Variants in CDK6 observed in about 807,000 individuals in gnomAD.
The protein encoded by CDK6 is cyclin-dependent kinase 6.
A neutral mutation model predicts 37.1 loss-of-function variants in CDK6; 6 were observed. That is an observed-to-expected ratio of 0.16 (90% CI 0.09 to 0.32). CDK6 has a LOEUF of 0.32. CDK6 is among the 10% of genes least tolerant of loss of function. The probability of loss-of-function intolerance (pLI) is 1.00; values close to 1 mark genes in which losing one functional copy is unlikely to be tolerated. For missense variants in CDK6, 224 were observed against 418.9 expected, an observed-to-expected ratio of 0.53 and a Z score of 4.06; for synonymous variants, 160 against 161.3, an observed-to-expected ratio of 0.99 and a Z score of 0.06.
In CDK6 at chr7:92,636,814, C is replaced by A. The variant is rs183447102; in HGVS notation, c.648-13728G>T. On this transcript the variant is annotated intron_variant, in intron 5 of 7. Coordinates refer to ENST00000424848, the MANE Select transcript of CDK6 (RefSeq NM_001145306.2). ...CCAAGTAGCTGGGATTACAGGCATG[C>A]GCCACCATGCTGACTAATTTTTGTA... Among the ~76,000 whole-genome samples the A allele has an allele frequency of 2.3e-3, 349 of 152,242 alleles. 2 individuals carry two copies. The highest frequency in any genetic ancestry group is 7.6e-3 in the African/African-American group (314 of 41,520).
intron 2 of CDK6, among the ~76,000 whole-genome samples, chr7:92,808,856 C>T (rs1800794446): frequency 6.6e-6 from 1 of 152,070 alleles, no homozygotes; most frequent in African/African-American, 2.4e-5. Context: ...TAACAAGACT[C>T]CATTTCAAAG....
At chr7:92,693,395 A>G (rs1343649243) in intron 4 of CDK6, among the ~76,000 whole-genome samples, 3 of 152,258 alleles carry the variant, frequency 2.0e-5, no homozygotes, top group South Asian at 2.1e-4. Context: ...CAAAAGCTCT[A>G]TTACCTAGTA....
At chr7:92,736,429 T>A (rs1372962232) in intron 3 of CDK6, among the ~76,000 whole-genome samples, 1 of 152,150 alleles carries the variant, frequency 6.6e-6, no homozygotes, top group Non-Finnish European at 1.5e-5. Flanking sequence ...ACATACTTCA[T>A]GTCAGTATGT....
At chr7:92,637,663 C>T (rs1156487350) in intron 5 of CDK6, among the ~76,000 whole-genome samples, 1 of 152,090 alleles carries the variant, frequency 6.6e-6, no homozygotes, top group Non-Finnish European at 1.5e-5. Flanking sequence ...CTCATTTACT[C>T]CTAATAACAC....
chr7:92,697,000 T>C (rs1029868228), intron 4 of CDK6, among the ~76,000 whole-genome samples: 1 of 152,234 alleles, frequency 6.6e-6, no homozygotes, highest in African/African-American at 2.4e-5. Context: ...AAGCCTGGCC[T>C]CTACGTTACC....
chr7:92,757,915 G>A (rs943812280), intron 3 of CDK6, among the ~76,000 whole-genome samples: 3 of 152,158 alleles, frequency 2.0e-5, no homozygotes, highest in African/African-American at 7.2e-5. Flanking sequence ...GTGATATTAA[G>A]CTTTTTTTAA....
chr7:92,697,848 A>C (rs1797755947), intron 4 of CDK6, among the ~76,000 whole-genome samples: 1 of 152,232 alleles, frequency 6.6e-6, no homozygotes, highest in African/African-American at 2.4e-5. Flanking sequence ...AGATTTACTA[A>C]CATTTATATA....
intron 4 of CDK6, among the ~76,000 whole-genome samples, chr7:92,703,452 G>A (rs1797900283): frequency 6.6e-6 from 1 of 152,016 alleles, no homozygotes; most frequent in Admixed American, 6.6e-5. Flanking sequence ...TACACATACT[G>A]CAAATCTCAA....
chr7:92,793,339 C>G (rs1281688750), intron 2 of CDK6, among the ~76,000 whole-genome samples: 1 of 152,094 alleles, frequency 6.6e-6, no homozygotes, highest in Non-Finnish European at 1.5e-5. Context: ...TCGCACTTCT[C>G]AATTTCAAAA....
intron 2 of CDK6, among the ~76,000 whole-genome samples, chr7:92,787,009 C>T (rs1249622649): frequency 6.6e-6 from 1 of 151,574 alleles, no homozygotes; most frequent in Non-Finnish European, 1.5e-5. Flanking sequence ...CATGGTGAAA[C>T]ACTCTCCACA....
chr7:92,703,479 T>C (rs1797901022), intron 4 of CDK6, among the ~76,000 whole-genome samples: 1 of 152,220 alleles, frequency 6.6e-6, no homozygotes. Context: ...TAAAAATACA[T>C]TTCAAATGAC....
chr7:92,807,060 T>C (rs1800743749), intron 2 of CDK6, among the ~76,000 whole-genome samples: 1 of 152,212 alleles, frequency 6.6e-6, no homozygotes, highest in African/African-American at 2.4e-5. Context: ...TATCACTCCC[T>C]TGAACTTTTT....
intron 3 of CDK6, among the ~76,000 whole-genome samples, chr7:92,771,391 A>C (rs545420131): frequency 6.6e-6 from 1 of 152,042 alleles, no homozygotes; most frequent in East Asian, 1.9e-4. Flanking sequence ...TAACAACATG[A>C]TACGTTTTAA....
intron 3 of CDK6, among the ~76,000 whole-genome samples, chr7:92,757,669 C>T (rs914467510): frequency 6.6e-6 from 1 of 152,112 alleles, no homozygotes; most frequent in African/African-American, 2.4e-5. Context: ...GGGTATACAC[C>T]CAGTAAAGGG....
In CDK6 at chr7:92,609,208, G is replaced by T. The variant is rs1274679582; in HGVS notation, c.*5932C>A. On this transcript the variant is annotated 3_prime_UTR_variant, in exon 8 of 8. Transcript: ENST00000424848. ...AAAGGAATAAGCTGCTTTCTGTGGT[G>T]CTGTGCTAAGGAAACTGAAAAATAC... 1.7e-5 allele frequency: 4 copies of T among 232,794 alleles called. No individual in the cohort carries two copies. The highest frequency in any genetic ancestry group is 5.6e-5 in the Admixed American group (1 of 17,768). 14.4% of individuals were successfully genotyped at this position (232,794 alleles called of 1,614,324 possible). A position where few individuals can be genotyped will look rare whatever the true frequency, so the allele number is the denominator to read the frequency against.
chr7:92,791,273 A>C (rs1584093451), intron 2 of CDK6, among the ~76,000 whole-genome samples: 1 of 152,308 alleles, frequency 6.6e-6, no homozygotes, highest in East Asian at 1.9e-4. Context: ...CAGTGTTCCC[A>C]GATCTTTGGT....
At chr7:92,772,271 T>C (rs754387630) in intron 3 of CDK6, among the ~76,000 whole-genome samples, 126 of 152,330 alleles carry the variant, frequency 8.3e-4, no homozygotes, top group Admixed American at 1.5e-3. Flanking sequence ...CAAAAAATGT[T>C]TGATTAACCA....
At chr7:92,657,442 T>TTATTA (rs1796722107) in intron 5 of CDK6, among the ~76,000 whole-genome samples, 1 of 152,220 alleles carries the variant, frequency 6.6e-6, no homozygotes, top group African/African-American at 2.4e-5. Flanking sequence ...ATATCATAAC[T>TTATTA]CAATATACAT....
intron 5 of CDK6, among the ~76,000 whole-genome samples, chr7:92,655,622 C>G (rs952600622): frequency 6.6e-6 from 1 of 152,220 alleles, no homozygotes; most frequent in Non-Finnish European, 1.5e-5. Flanking sequence ...TTGGCACGCT[C>G]TTGTTGCCCA....
Sources: gnomAD v4.1 joint callset for allele counts (sites outside exome capture counted in the v4.1 genomes callset) on GRCh38, gnomAD v4.1.1 for gene constraint, MANE v1.5 for transcripts, NCBI Gene and HGNC (gene_info 2026-07-23, HGNC 2026-07-21) for gene names.